Variants in MCF2L observed in about 807,000 individuals in gnomAD.
MCF2L encodes MCF.2 cell line derived transforming sequence like.
MCF2L carries 97 observed loss-of-function variants against 153.4 expected under a neutral mutation model. That is an observed-to-expected ratio of 0.63 (90% confidence interval 0.54 to 0.75). The LOEUF (loss-of-function observed/expected upper bound fraction) is 0.75, where lower values mean the gene tolerates loss of function less well. MCF2L is among the 30% of genes least tolerant of loss of function. MCF2L has a pLI of 0.00. For missense variants in MCF2L, 1,347 were observed against 1,495.2 expected (o/e 0.90, Z 1.64); for synonymous variants, 659 against 632.2 (o/e 1.04, Z -0.64).
At chr13:112,912,821 G>A (rs2081246925) in intron 2 of MCF2L, among the ~76,000 whole-genome samples, 1 of 151,526 alleles carries the variant, frequency 6.6e-6, no homozygotes, top group Non-Finnish European at 1.5e-5. Context: ...TGTATGTATG[G>A]GGTGTGCCTG....
chr13:113,027,007 G>C lies in MCF2L; in HGVS notation c.278+2249G>C, dbSNP rs748969018. 2 of 778,996 alleles carry C rather than the reference G, an allele frequency of 2.6e-6. No individual in the cohort carries two copies. Among genetic ancestry groups the C allele is most frequent in the Non-Finnish European group, 2.4e-6 (1 of 417,862 alleles). The allele number at this position is 778,996 out of a possible 1,614,324, so 48.3% of individuals were successfully genotyped here. A position where few individuals can be genotyped will look rare whatever the true frequency, so the allele number is the denominator to read the frequency against. ...TGTCAGCCTCACACCAGACAGTGTAGTTGCTGCTTCCATTTGGGGTATAGT... is the reference window on the plus strand; with the variant it reads ...TGTCAGCCTCACACCAGACAGTGTACTTGCTGCTTCCATTTGGGGTATAGT... On this transcript the variant is annotated intron_variant, in intron 3 of 29. Transcript: ENST00000535094. The surrounding 1 kb of genome is among the most constrained non-coding windows in gnomAD (Gnocchi z 4.8).
rs2032770527 is a variant in MCF2L, at chr13:113,070,302, TC to T, written c.996+131del. 1 of 545,412 alleles carries T rather than the reference TC, an allele frequency of 1.8e-6. No homozygotes were observed. 33.8% of individuals were successfully genotyped at this position (545,412 alleles called of 1,614,324 possible). A position where few individuals can be genotyped will look rare whatever the true frequency, so the allele number is the denominator to read the frequency against. On this transcript the variant is annotated intron_variant, in intron 9 of 29. Transcript: ENST00000535094. This position sits in a 1 kb window ranked among gnomAD's most constrained non-coding sequence, Gnocchi z 5.6. The stretch of plus-strand genomic sequence containing the variant: ...GACTTTGGCTTAATGCAGAAAAGTC[TC>T]CGCTTGCCAGGTGGAGCCTGTGAGA...
intron 1 of MCF2L, among the ~76,000 whole-genome samples, chr13:112,972,765 AG>A (rs2140839830): frequency 4.2e-5 from 1 of 23,928 alleles, no homozygotes; most frequent in Non-Finnish European, 9.2e-5. Context: ...GGATGGAGGG[AG>A]GGAGGGATGG....
chr13:112,985,249 T>G, intron 1 of MCF2L: 1 of 381,716 alleles, frequency 2.6e-6, no homozygotes, highest in South Asian at 1.9e-5. Flanking sequence ...GTGGGTGAAA[T>G]GAAAGTAAAA....
In MCF2L at chr13:112,995,245, C is replaced by A. The variant is rs533257634; in HGVS notation, c.80-19518C>A. On this transcript the variant is annotated intron_variant, in intron 1 of 29. Coordinates refer to ENST00000535094, the MANE Select transcript of MCF2L (RefSeq NM_001112732.3). ...AGGGCACGAAGCTCATGTCAGCCAG[C>A]AGAATGGGGATGTAGACCGGGGCTC... Among the ~76,000 whole-genome samples the A allele has an allele frequency of 3.3e-5, 5 of 152,340 alleles. No individual in the cohort carries two copies. In the South Asian group the frequency reaches 8.3e-4, roughly 25 times the overall value.
chr13:112,898,960 G>A (rs2140488471), intron 1 of MCF2L, among the ~76,000 whole-genome samples: 1 of 152,230 alleles, frequency 6.6e-6, no homozygotes, highest in South Asian at 2.1e-4. Flanking sequence ...CCCCTCCCAG[G>A]GAGCACCGGG....
At chr13:112,973,934 C>G (rs2082133849) in intron 1 of MCF2L, among the ~76,000 whole-genome samples, 2 of 152,168 alleles carry the variant, frequency 1.3e-5, no homozygotes, top group Admixed American at 1.3e-4. Flanking sequence ...TCACGCTGCA[C>G]CTGTGCCTTG....
intron 2 of MCF2L, among the ~76,000 whole-genome samples, chr13:112,906,506 T>G (rs2081174364): frequency 6.6e-6 from 1 of 152,322 alleles, no homozygotes; most frequent in South Asian, 2.1e-4. Context: ...GCACACACGG[T>G]GCAGTTCCAT....
At position 113,076,082 on chromosome 13, in the gene MCF2L, C is replaced by G. The variant is rs148350513; in HGVS notation, c.1425C>G (p.Thr475=). 1 of 1,613,956 alleles carries G rather than the reference C, an allele frequency of 6.2e-7. No individual in the cohort carries two copies. Residue 475 remains threonine (T), a synonymous_variant, in exon 12 of 30, where the codon ACC becomes ACG. Transcript: ENST00000535094. Reference sequence around the variant, plus strand: ...AGGAAATCGAGAAGTTTTTGGAGACCGGTGCGGAAAATAAGATCCAGGAGC... The same window carrying G: ...AGGAAATCGAGAAGTTTTTGGAGACGGGTGCGGAAAATAAGATCCAGGAGC... ...ALQEIEKFLE[T]GAENKIQELN...
At chr13:113,095,269 A>G in intron 27 of MCF2L, 1 of 1,189,126 alleles carries the variant, frequency 8.4e-7, no homozygotes, top group East Asian at 6.0e-5. Context: ...CCAAGGCTGG[A>G]GGTGCAAAGG....
chr13:113,075,868 G>A (rs1013428782), intron 11 of MCF2L, 98 bp from the exon 12 acceptor site: 5 of 965,420 alleles, frequency 5.2e-6, no homozygotes, highest in African/African-American at 5.0e-5. Flanking sequence ...GGTGGCCCGG[G>A]ATCTGTCGGG....
intron 1 of MCF2L, among the ~76,000 whole-genome samples, chr13:113,012,862 G>A (rs1464863690): frequency 1.4e-5 from 1 of 69,892 alleles, no homozygotes; most frequent in Non-Finnish European, 3.0e-5. Context: ...CGGTGTGGAC[G>A]GTGGACACTG....
chr13:113,072,165 T>C (rs193290004), intron 9 of MCF2L, among the ~76,000 whole-genome samples: 6 of 152,338 alleles, frequency 3.9e-5, no homozygotes, highest in Admixed American at 3.3e-4. Flanking sequence ...AGAAACACAA[T>C]TGATTTTTGT....
intron 1 of MCF2L, among the ~76,000 whole-genome samples, chr13:112,974,034 CT>C (rs2082137416): frequency 6.6e-6 from 1 of 152,198 alleles, no homozygotes; most frequent in African/African-American, 2.4e-5. Flanking sequence ...CCATCCCCCA[CT>C]GTTTCATCAG....
chr13:113,078,489 G>A (rs2033752683), intron 14 of MCF2L, 53 bp downstream of exon 14: 11 of 1,524,526 alleles, frequency 7.2e-6, no homozygotes, highest in Admixed American at 1.8e-5. Context: ...CTTGGTTCAC[G>A]CTGGGCCTGG....
chr13:112,918,879 C>T (rs1277098088), intron 2 of MCF2L, among the ~76,000 whole-genome samples: 10 of 152,154 alleles, frequency 6.6e-5, no homozygotes, highest in Non-Finnish European at 1.3e-4. Context: ...TGAGGCCCAT[C>T]TGGATTACAC....
intron 2 of MCF2L, among the ~76,000 whole-genome samples, chr13:112,922,850 A>C (rs2081366255): frequency 6.6e-6 from 1 of 152,250 alleles, no homozygotes; most frequent in African/African-American, 2.4e-5. Flanking sequence ...ACAAACAAAC[A>C]AAAACCATCG....
chr13:112,902,495 A>AC (rs550565067), intron 2 of MCF2L: 3 of 1,006,804 alleles, frequency 3.0e-6, no homozygotes, highest in Non-Finnish European at 1.4e-6. Flanking sequence ...GGAATGCATG[A>AC]CCCCCCAGGT....
chr13:112,908,236 C>T (rs959564656), intron 2 of MCF2L, among the ~76,000 whole-genome samples: 1 of 152,320 alleles, frequency 6.6e-6, no homozygotes, highest in South Asian at 2.1e-4. Context: ...TCTGACTCAC[C>T]AGGGCTCCTG....
Sources: gnomAD v4.1 joint callset for allele counts (sites outside exome capture counted in the v4.1 genomes callset) on GRCh38, gnomAD v4.1.1 for gene constraint, Gnocchi (gnomAD v3.1) non-coding constraint, MANE v1.5 for transcripts, NCBI Gene and HGNC (gene_info 2026-07-23, HGNC 2026-07-21) for gene names.